The following NALF1 variants were observed in gnomAD, a reference collection of about 807,000 sequenced individuals.
NALF1 encodes family with sequence similarity 155 member A.
In NALF1, 3 loss-of-function variants were observed where a neutral mutation model predicts 48.4. The ratio of observed to expected loss-of-function variants is 0.06; its 90% CI spans 0.03 to 0.16. The LOEUF (loss-of-function observed/expected upper bound fraction) is 0.16, where lower values mean the gene tolerates loss of function less well. Ranked by LOEUF, NALF1 falls within the 10% of genes least tolerant of loss-of-function variation. The probability of loss-of-function intolerance (pLI) is 1.00; values close to 1 mark genes in which losing one functional copy is unlikely to be tolerated. For synonymous variants in NALF1, 262 were observed against 245.7 expected (o/e 1.07, Z -0.62); for missense variants, 526 against 571.5 (o/e 0.92, Z 0.81).
At chr13:107,265,448 T>C (rs1027148865) in intron 1 of NALF1, among the ~76,000 whole-genome samples, 2 of 152,146 alleles carry the variant, frequency 1.3e-5, no homozygotes, top group South Asian at 4.1e-4. Flanking sequence ...AGACAGAGTT[T>C]CACTTTTGTC....
rs560691994 is a variant in NALF1, at chr13:107,200,546, T to C, written c.1087+10038A>G. 4.9e-4 allele frequency among the ~76,000 whole-genome samples: 75 copies of C among 152,348 alleles called. 2 individuals carry two copies. Among genetic ancestry groups the C allele is most frequent in the African/African-American group, 1.6e-3 (66 of 41,582 alleles). ...ATCCGTCTCTACTTCTTGGTAGACA[T>C]TTATTTTACAGTAAAATTCATAAGC... On this transcript the variant is annotated intron_variant, in intron 2 of 2. Coordinates refer to ENST00000375915, the MANE Select transcript of NALF1 (RefSeq NM_001080396.3).
At chr13:107,841,638 TAA>T (rs200743569) in intron 1 of NALF1, among the ~76,000 whole-genome samples, 1 of 143,556 alleles carries the variant, frequency 7.0e-6, no homozygotes, top group Non-Finnish European at 1.5e-5. Context: ...GGAATATCCT[TAA>T]AAAAAAAAAA....
chr13:107,594,261 T>C (rs1333666524), intron 1 of NALF1, among the ~76,000 whole-genome samples: 1 of 152,110 alleles, frequency 6.6e-6, no homozygotes, highest in Non-Finnish European at 1.5e-5. Flanking sequence ...TCAATTCCCC[T>C]ATTAACACTC....
intron 1 of NALF1, among the ~76,000 whole-genome samples, chr13:107,459,672 G>A (rs976172344): frequency 6.6e-6 from 1 of 152,126 alleles, no homozygotes; most frequent in Non-Finnish European, 1.5e-5. Flanking sequence ...CTCCTGGAGC[G>A]AAAGTAAGTA....
At chr13:107,776,334 G>T (rs1877728906) in intron 1 of NALF1, among the ~76,000 whole-genome samples, 1 of 152,072 alleles carries the variant, frequency 6.6e-6, no homozygotes, top group South Asian at 2.1e-4. Context: ...CCTCATCTGT[G>T]AAAAGGGATT....
intron 1 of NALF1, among the ~76,000 whole-genome samples, chr13:107,341,604 A>C (rs1882682435): frequency 6.6e-6 from 1 of 151,716 alleles, no homozygotes; most frequent in South Asian, 2.1e-4. Flanking sequence ...TATAATACAT[A>C]TACATATATA....
chr13:107,818,255 C>T (rs1341722016), intron 1 of NALF1, among the ~76,000 whole-genome samples: 2 of 152,128 alleles, frequency 1.3e-5, no homozygotes, highest in African/African-American at 4.8e-5. Context: ...AATAACTCTG[C>T]CCACCTGCTG....
intron 1 of NALF1, among the ~76,000 whole-genome samples, chr13:107,385,244 G>C (rs1407488079): frequency 2.0e-5 from 3 of 151,712 alleles, no homozygotes; most frequent in Non-Finnish European, 2.9e-5. Flanking sequence ...AAATAAAAAC[G>C]TCTTCAATTG....
At chr13:107,666,940 G>A (rs144945226) in intron 1 of NALF1, among the ~76,000 whole-genome samples, 1 of 152,056 alleles carries the variant, frequency 6.6e-6, no homozygotes, top group Admixed American at 6.6e-5. Context: ...GTATGTTAGA[G>A]CAAGTTAATA....
chr13:107,853,311 G>A (rs569088605), intron 1 of NALF1, among the ~76,000 whole-genome samples: 2 of 152,234 alleles, frequency 1.3e-5, no homozygotes, highest in African/African-American at 2.4e-5. Context: ...CCTTATCAGT[G>A]ATTTACCATA....
At chr13:107,406,757 GA>G (rs558711527) in intron 1 of NALF1, among the ~76,000 whole-genome samples, 2,245 of 150,206 alleles carry the variant, frequency 0.015, 24 homozygotes, top group South Asian at 0.034. Flanking sequence ...CACTGAAATA[GA>G]AAAAAAAATC....
At chr13:107,737,457 G>A (rs1876497539) in intron 1 of NALF1, among the ~76,000 whole-genome samples, 1 of 152,082 alleles carries the variant, frequency 6.6e-6, no homozygotes, top group Non-Finnish European at 1.5e-5. Flanking sequence ...CAAATTGATG[G>A]GAAAATTGGA....
At chr13:107,617,888 C>T (rs1166254144) in intron 1 of NALF1, among the ~76,000 whole-genome samples, 1 of 152,132 alleles carries the variant, frequency 6.6e-6, no homozygotes, top group African/African-American at 2.4e-5. Context: ...GTGATCACTT[C>T]CCCTTGAAAT....
chr13:107,800,968 T>G (rs1328248306), intron 1 of NALF1, among the ~76,000 whole-genome samples: 1 of 152,086 alleles, frequency 6.6e-6, no homozygotes, highest in Admixed American at 6.6e-5. Context: ...TATCTTATAC[T>G]AATTCAATTT....
rs145571724 is a variant in NALF1 at position 107,422,613 on chromosome 13, G to A, written c.916-211858C>T. Among the ~76,000 whole-genome samples the A allele has an allele frequency of 2.7e-3, 415 of 152,192 alleles. 3 individuals carry two copies. The highest frequency in any genetic ancestry group is 9.6e-3 in the African/African-American group (397 of 41,540). On this transcript the variant is annotated intron_variant, in intron 1 of 2. Transcript: ENST00000375915. ...GATGGCAAATTAAGCATAGCAGGCAGAGTAATGGCTCCCCGCAAAAGCCAC... is the reference window on the plus strand; with the variant it reads ...GATGGCAAATTAAGCATAGCAGGCAAAGTAATGGCTCCCCGCAAAAGCCAC...
intron 1 of NALF1, among the ~76,000 whole-genome samples, chr13:107,848,289 AG>A (rs919730867): frequency 1.3e-5 from 2 of 152,218 alleles, no homozygotes; most frequent in African/African-American, 4.8e-5. Context: ...ATGATCAAAG[AG>A]GGGATGATTT....
chr13:107,480,032 T>C (rs978187072), intron 1 of NALF1, among the ~76,000 whole-genome samples: 3 of 152,190 alleles, frequency 2.0e-5, no homozygotes, highest in Non-Finnish European at 2.9e-5. Flanking sequence ...AAGGGAAAAA[T>C]ATGTTTCAAA....
rs545529253 is a variant in NALF1 at position 107,630,743 on chromosome 13, A to G, written c.915+234939T>C. The stretch of plus-strand genomic sequence containing the variant: ...AAAGGAGTTCTGAAATACGGTTTGT[A>G]AAATATATATATATATATTTATACT... On this transcript the variant is annotated intron_variant, in intron 1 of 2. Coordinates refer to ENST00000375915, the MANE Select transcript of NALF1 (RefSeq NM_001080396.3). Among the ~76,000 whole-genome samples, 15 of 94,956 alleles carry G rather than the reference A, an allele frequency of 1.6e-4. No individual in the cohort carries two copies. The East Asian group carries it at 0.082, about 519-fold the overall frequency. 62.3% of individuals were successfully genotyped at this position (94,956 alleles called of 152,430 possible). A position where few individuals can be genotyped will look rare whatever the true frequency, so the allele number is the denominator to read the frequency against.
intron 1 of NALF1, among the ~76,000 whole-genome samples, chr13:107,818,096 T>C (rs774086688): frequency 1.3e-5 from 2 of 152,324 alleles, no homozygotes; most frequent in East Asian, 3.9e-4. Context: ...GATTTTCTTC[T>C]ATGCTGTCTT....
Sources: allele counts gnomAD v4.1 joint callset (sites outside exome capture counted in the v4.1 genomes callset), GRCh38; gene constraint gnomAD v4.1.1; transcripts MANE v1.5; gene names NCBI Gene and HGNC (gene_info 2026-07-23, HGNC 2026-07-21).